The following MED15 variants were observed in gnomAD, a reference collection of about 807,000 sequenced individuals.
MED15 encodes mediator of RNA polymerase II transcription subunit 15.
MED15 carries 41 observed loss-of-function variants against 118.7 expected under a neutral mutation model. The observed-to-expected ratio is 0.35, with a 90% CI of 0.27 to 0.45. The LOEUF is 0.45. Among genes scored for constraint, MED15 ranks in the 20% least tolerant of loss-of-function variants. The probability of loss-of-function intolerance (pLI) is 1.00; values close to 1 mark genes in which losing one functional copy is unlikely to be tolerated. For missense variants in MED15, 740 were observed against 1,025.5 expected (o/e 0.72, Z 3.80); for synonymous variants, 436 against 413.9 (o/e 1.05, Z -0.65).
At chr22:20,538,496 C>T (rs745785925) in intron 2 of MED15, among the ~76,000 whole-genome samples, 29 of 152,094 alleles carry the variant, frequency 1.9e-4, no homozygotes, top group Admixed American at 5.9e-4. Context: ...GCTATCCCCA[C>T]GCCTTGCCCT....
intron 2 of MED15, among the ~76,000 whole-genome samples, chr22:20,541,902 C>A (rs984063854): frequency 6.6e-6 from 1 of 152,152 alleles, no homozygotes; most frequent in Non-Finnish European, 1.5e-5. Context: ...CCCACCTAGG[C>A]CTCCCAAAGT....
At chr22:20,550,929 G>A (rs1027426635) in intron 2 of MED15, 6 of 351,078 alleles carry the variant, frequency 1.7e-5, no homozygotes, top group African/African-American at 4.3e-5. Flanking sequence ...CCCGGAAAGC[G>A]CAGCCAGGGG....
At chr22:20,560,051 G>A (rs1291232393) in intron 5 of MED15, among the ~76,000 whole-genome samples, 1 of 152,146 alleles carries the variant, frequency 6.6e-6, no homozygotes, top group African/African-American at 2.4e-5. Context: ...GGTGCTGCTG[G>A]TGCGTAATGG....
At chr22:20,530,699 C>T (rs1408705964) in intron 1 of MED15, among the ~76,000 whole-genome samples, 1 of 151,986 alleles carries the variant, frequency 6.6e-6, no homozygotes, top group Non-Finnish European at 1.5e-5. Context: ...CAGAGCAGAG[C>T]GGGAGTTGGG....
At position 20,510,203 on chromosome 22, in the gene MED15, C is replaced by T. The variant is rs145115769; in HGVS notation, c.68+2457C>T. On this transcript the variant is annotated intron_variant, in intron 1 of 17. Coordinates refer to ENST00000263205, the MANE Select transcript of MED15 (RefSeq NM_001003891.3). Reference sequence around the variant, plus strand: ...AGACTGAGACCCATCCTGGCCAACACGGTGAAACCCTATCTCTACTAAAAA... The same window carrying T: ...AGACTGAGACCCATCCTGGCCAACATGGTGAAACCCTATCTCTACTAAAAA... 2.1e-3 allele frequency among the ~76,000 whole-genome samples: 319 copies of T among 152,146 alleles called. 2 individuals carry two copies. The highest frequency in any genetic ancestry group is 0.017 in the Middle Eastern group (5 of 294).
intron 15 of MED15, 26 bp downstream of exon 15, chr22:20,585,041 C>T (rs370625616): frequency 3.3e-5 from 53 of 1,613,592 alleles, no homozygotes; most frequent in Non-Finnish European, 4.2e-5. Flanking sequence ...CTGGGCTTTG[C>T]GGAGGGCGGC....
In MED15 at chr22:20,537,038, T is replaced by A. The variant is rs921234376; in HGVS notation, c.69-79T>A. 3 of 1,348,178 alleles carry A rather than the reference T, an allele frequency of 2.2e-6. No individual in the cohort carries two copies. In the Admixed American group the frequency reaches 5.7e-5, roughly 26 times the overall value. 83.5% of individuals were successfully genotyped at this position (1,348,178 alleles called of 1,614,324 possible). ...ACCTTGTCACCAGGGGCAGCTGCTATGCAGGGCCTGTTGGCCAGGGCCCTG... is the reference window on the plus strand; with the variant it reads ...ACCTTGTCACCAGGGGCAGCTGCTAAGCAGGGCCTGTTGGCCAGGGCCCTG... On this transcript the variant is annotated intron_variant, in intron 1 of 17. Coordinates refer to ENST00000263205, the MANE Select transcript of MED15 (RefSeq NM_001003891.3).
chr22:20,551,441 A>G lies in MED15; in HGVS notation c.162A>G (p.Glu54=), dbSNP rs1186038845. The stretch of plus-strand genomic sequence containing the variant: ...CTTCCTGTTTTTACTTTTAGGACGA[A>G]TACCTTTCTCTCGTGGCCAGGCTCA... ...HVFLKAKTRD[E]YLSLVARLII... Residue 54 remains glutamate (E), a synonymous_variant, in exon 3 of 18, where the codon GAA becomes GAG. Coordinates refer to ENST00000263205, the MANE Select transcript of MED15 (RefSeq NM_001003891.3). 6.2e-7 allele frequency: 1 copy of G among 1,614,038 alleles called. No individual in the cohort carries two copies. The highest frequency in any genetic ancestry group is 2.2e-5 in the East Asian group (1 of 44,864).
intron 1 of MED15, among the ~76,000 whole-genome samples, chr22:20,509,834 G>A (rs1324667453): frequency 6.6e-6 from 1 of 152,098 alleles, no homozygotes; most frequent in Non-Finnish European, 1.5e-5. Context: ...AGTCCCCAGG[G>A]CAAGGGTTCT....
rs61109389 is a variant in MED15 at position 20,570,746 on chromosome 22, C to CTTTTTTTTTTTTTTTT, written c.1152+2130_1152+2145dup. The stretch of plus-strand genomic sequence containing the variant: ...TTTTCTTTTCTTTCTTTCTTTCTTT[C>CTTTTTTTTTTTTTTTT]TTTTTTTTTTTTTTTTTTTTTTTTT... On this transcript the variant is annotated intron_variant, in intron 8 of 17. Transcript: ENST00000263205. Among the ~76,000 whole-genome samples, 50 of 62,100 alleles carry CTTTTTTTTTTTTTTTT rather than the reference C, an allele frequency of 8.1e-4. 1 individual carries two copies. The highest frequency in any genetic ancestry group is 1.1e-3 in the East Asian group (2 of 1,898). 40.7% of individuals were successfully genotyped at this position (62,100 alleles called of 152,430 possible).
rs1198566874 is a variant in MED15 at position 20,566,632 on chromosome 22, C to T, written c.856C>T (p.Leu286=). The stretch of plus-strand genomic sequence containing the variant: ...GCCACAGCCTCCGCCCTCCCAGGCT[C>T]TGCCCCAGCAGCTGCAGCAGATGCA... ...QQPQPPPSQA[L]PQQLQQMHHT... The change falls in exon 7 of 18, where the codon CTG becomes TTG. Residue 286 remains leucine (L), a synonymous_variant. Transcript: ENST00000263205. 6.2e-7 allele frequency: 1 copy of T among 1,614,150 alleles called. No homozygotes were observed.
intron 1 of MED15, chr22:20,522,639 C>T (rs1187098410): frequency 2.0e-5 from 3 of 152,248 alleles, no homozygotes; most frequent in African/African-American, 7.2e-5. Context: ...CACAGCCTCT[C>T]TACTGATCTG....
chr22:20,511,005 G>A (rs2054044613), intron 1 of MED15, among the ~76,000 whole-genome samples: 1 of 151,980 alleles, frequency 6.6e-6, no homozygotes, highest in Non-Finnish European at 1.5e-5. Context: ...TTTCTCTCTA[G>A]GGTTCACTTT....
chr22:20,523,855 G>T, intron 1 of MED15: 1 of 985,084 alleles, frequency 1.0e-6, no homozygotes, highest in Non-Finnish European at 1.2e-6. Flanking sequence ...CTTTTCTGCA[G>T]GTTAGTTCTT....
intron 1 of MED15, chr22:20,524,509 ACTGCTTTGC>A (rs1165665300): frequency 6.6e-6 from 1 of 152,188 alleles, no homozygotes; most frequent in Non-Finnish European, 1.5e-5. Context: ...GGTGGGAGGA[ACTGCTTTGC>A]CTGTGCCGTT....
In MED15 at chr22:20,552,353, A is replaced by G. The variant is rs145474741; in HGVS notation, c.209-792A>G. Reference sequence around the variant, plus strand: ...GCTGGGTCAAAGGGAGACATTGAGCACTCCAGAGCCTGGTAGGTTTTGCTT... The same window carrying G: ...GCTGGGTCAAAGGGAGACATTGAGCGCTCCAGAGCCTGGTAGGTTTTGCTT... On this transcript the variant is annotated intron_variant, in intron 3 of 17. Coordinates refer to ENST00000263205, the MANE Select transcript of MED15 (RefSeq NM_001003891.3). Among the ~76,000 whole-genome samples, 167 of 152,182 alleles carry G rather than the reference A, an allele frequency of 1.1e-3. 1 individual carries two copies. The highest frequency in any genetic ancestry group is 8.7e-3 in the South Asian group (42 of 4,828).
At chr22:20,531,635 C>A (rs549774635) in intron 1 of MED15, among the ~76,000 whole-genome samples, 1 of 152,252 alleles carries the variant, frequency 6.6e-6, no homozygotes, top group Non-Finnish European at 1.5e-5. Context: ...GCTGATTCTC[C>A]GTTCTGCACG....
chr22:20,578,974 C>T (rs1260307810), intron 9 of MED15, among the ~76,000 whole-genome samples: 1 of 152,244 alleles, frequency 6.6e-6, no homozygotes, highest in Non-Finnish European at 1.5e-5. Context: ...CGGACTCAGG[C>T]TACCAGGTCA....
At chr22:20,532,043 G>A (rs940120769) in intron 1 of MED15, among the ~76,000 whole-genome samples, 1 of 152,200 alleles carries the variant, frequency 6.6e-6, no homozygotes, top group African/African-American at 2.4e-5. Context: ...CTCTGCTGGT[G>A]AGGAGCGAGG....
Sources: allele counts gnomAD v4.1 joint callset (sites outside exome capture counted in the v4.1 genomes callset), GRCh38; gene constraint gnomAD v4.1.1; transcripts MANE v1.5; gene names NCBI Gene and HGNC (gene_info 2026-07-23, HGNC 2026-07-21).